The following CCDC60 variants were observed in gnomAD, a reference collection of about 807,000 sequenced individuals.
The protein encoded by CCDC60 is coiled-coil domain-containing protein 60.
In CCDC60, 54 loss-of-function variants were observed where a neutral mutation model predicts 63.5. That is an observed-to-expected ratio of 0.85 (90% CI 0.68 to 1.07). The LOEUF (loss-of-function observed/expected upper bound fraction) is 1.07. Among genes scored for constraint, CCDC60 ranks in the 50% least tolerant of loss-of-function variants. CCDC60 has a pLI of 0.00. For synonymous variants in CCDC60, 206 were observed against 238.8 expected, an observed-to-expected ratio of 0.86 and a Z score of 1.27; for missense variants, 651 against 684.3, an observed-to-expected ratio of 0.95 and a Z score of 0.54.
At chr12:119,470,439 A>G (rs1196165066) in intron 2 of CCDC60, among the ~76,000 whole-genome samples, 2 of 152,210 alleles carry the variant, frequency 1.3e-5, no homozygotes, top group Non-Finnish European at 2.9e-5. Context: ...ATGAAATGTT[A>G]TCACTTAGCT....
chr12:119,462,636 T>A (rs1431705948), intron 2 of CCDC60, among the ~76,000 whole-genome samples: 2 of 152,036 alleles, frequency 1.3e-5, no homozygotes, highest in Non-Finnish European at 2.9e-5. Context: ...ACTGAGAATT[T>A]TTTTAGAGAC....
At chr12:119,336,974 G>T (rs1435500912) in intron 1 of CCDC60, among the ~76,000 whole-genome samples, 8 of 152,180 alleles carry the variant, frequency 5.3e-5, no homozygotes. Context: ...GTCCACTCTA[G>T]TGCATCCACA....
chr12:119,378,478 G>C (rs942068327), intron 1 of CCDC60, among the ~76,000 whole-genome samples: 3 of 152,166 alleles, frequency 2.0e-5, no homozygotes, highest in African/African-American at 7.2e-5. Flanking sequence ...TCTAGCTCCT[G>C]TATCAGCACT....
At chr12:119,347,371 G>GGATT (rs1955608306) in intron 1 of CCDC60, among the ~76,000 whole-genome samples, 1 of 152,052 alleles carries the variant, frequency 6.6e-6, no homozygotes. Flanking sequence ...CAAGTTAAAT[G>GGATT]GATTCACTCT....
At position 119,524,716 on chromosome 12, in the gene CCDC60, C is replaced by CTTTTTTTTTT. The variant is rs1416953138; in HGVS notation, c.1229+902_1229+903insTTTTTTTTTT. ...AGGAAACAGCAGTTTCTTTTCTTTTCTTTTCTTTTTTTTTTTTTTTTTTTG... is the reference window on the plus strand; with the variant it reads ...AGGAAACAGCAGTTTCTTTTCTTTTCTTTTTTTTTTTTTTCTTTTTTTTTTTTTTTTTTTG... On this transcript the variant is annotated intron_variant, in intron 11 of 13. Transcript: ENST00000327554. Among the ~76,000 whole-genome samples, 97 of 90,506 alleles carry CTTTTTTTTTT rather than the reference C, an allele frequency of 1.1e-3. 1 individual carries two copies. The highest frequency in any genetic ancestry group is 4.4e-3 in the African/African-American group (83 of 18,782). The allele number at this position is 90,506 out of a possible 152,430, so 59.4% of individuals were successfully genotyped here.
intron 13 of CCDC60, among the ~76,000 whole-genome samples, chr12:119,531,940 C>T (rs1388964569): frequency 6.6e-6 from 1 of 152,160 alleles, no homozygotes; most frequent in Non-Finnish European, 1.5e-5. Flanking sequence ...TGCATTTTAA[C>T]AGGGCCTTCA....
chr12:119,525,686 C>T (rs965946399), intron 11 of CCDC60, among the ~76,000 whole-genome samples: 3 of 152,054 alleles, frequency 2.0e-5, no homozygotes, highest in Non-Finnish European at 2.9e-5. Flanking sequence ...TCAGCTAATA[C>T]AAATACACAC....
chr12:119,520,060 G>A, intron 8 of CCDC60, 61 bp from the exon 9 acceptor site: 1 of 1,435,918 alleles, frequency 7.0e-7, no homozygotes, highest in South Asian at 1.2e-5. Flanking sequence ...CCCACATGTA[G>A]TTACTGCACA....
intron 1 of CCDC60, among the ~76,000 whole-genome samples, chr12:119,350,170 A>ATTATTTAT (rs10534165): frequency 0.013 from 1,833 of 144,808 alleles, 28 homozygotes; most frequent in African/African-American, 0.038. Context: ...TCTTTGCTTT[A>ATTATTTAT]TTATTTATTT....
At position 119,367,460 on chromosome 12, in the gene CCDC60, ATAT is replaced by A. The variant is rs537456239; in HGVS notation, c.90+32198_90+32200del. ...AAGTCCCCCAAACTCTGCATTTGAAATATTATGGGATCTTCACATATTTATTTA... is the reference window on the plus strand; with the variant it reads ...AAGTCCCCCAAACTCTGCATTTGAAATATGGGATCTTCACATATTTATTTA... On this transcript the variant is annotated intron_variant, in intron 1 of 13. Transcript: ENST00000327554. Among the ~76,000 whole-genome samples the A allele has an allele frequency of 6.6e-4, 100 of 152,330 alleles. 1 individual carries two copies. Among genetic ancestry groups the A allele is most frequent in the Non-Finnish European group, 1.0e-3 (68 of 68,038 alleles).
chr12:119,450,631 G>A (rs1950612480), intron 2 of CCDC60, among the ~76,000 whole-genome samples: 1 of 152,112 alleles, frequency 6.6e-6, no homozygotes, highest in Non-Finnish European at 1.5e-5. Context: ...GGCCGAGGTG[G>A]GCGGATCACA....
chr12:119,531,013 G>A lies in CCDC60; in HGVS notation c.1501G>A (p.Asp501Asn), dbSNP rs1367882802. Residue 501 changes from aspartate (D) to asparagine (N), a missense_variant, in exon 13 of 14, where the codon GAT becomes AAT. Asp to Asn is a conservative substitution (Grantham distance 23). Coordinates refer to ENST00000327554, the MANE Select transcript of CCDC60 (RefSeq NM_178499.5). ...CCATGTCCTCCTGAAGGTGCTGCAG[G>A]ATCTGAGGATTTGGGAACTGTGCTC... is the stretch of plus-strand genomic sequence containing the variant. Reference protein sequence around the residue: ...RPHVLLKVLQDLRIWELCSPD... With the variant: ...RPHVLLKVLQNLRIWELCSPD... 1 of 1,614,012 alleles carries A rather than the reference G, an allele frequency of 6.2e-7. No homozygotes were observed. Among genetic ancestry groups the A allele is most frequent in the African/African-American group, 1.3e-5 (1 of 74,922 alleles).
At chr12:119,493,829 A>AG (rs1311707571) in intron 5 of CCDC60, among the ~76,000 whole-genome samples, 1 of 151,622 alleles carries the variant, frequency 6.6e-6, no homozygotes, top group African/African-American at 2.4e-5. Flanking sequence ...CAGAATTCTG[A>AG]GGGTTTTTTT....
chr12:119,339,502 C>T (rs937286602), intron 1 of CCDC60, among the ~76,000 whole-genome samples: 1 of 151,576 alleles, frequency 6.6e-6, no homozygotes, highest in African/African-American at 2.4e-5. Flanking sequence ...GGAGCAGATT[C>T]TGCCAGGCGC....
chr12:119,452,892 G>A (rs112494391), intron 2 of CCDC60, among the ~76,000 whole-genome samples: 11,897 of 151,970 alleles, frequency 0.078, 643 homozygotes, highest in South Asian at 0.12. Context: ...ACGTGATCTC[G>A]GCTCACTGCC....
At chr12:119,497,849 C>T (rs912563317) in intron 5 of CCDC60, among the ~76,000 whole-genome samples, 26 of 152,268 alleles carry the variant, frequency 1.7e-4, no homozygotes, top group African/African-American at 6.3e-4. Flanking sequence ...AAGGATTGCT[C>T]CTTCTTCTGG....
rs899007484 is a variant in CCDC60 at position 119,353,002 on chromosome 12, C to A, written c.90+17736C>A. On this transcript the variant is annotated intron_variant, in intron 1 of 13. Transcript: ENST00000327554. Reference sequence around the variant, plus strand: ...TCACTTCCAGATGATGCTCATACAGCTTTTATGAGCCCTCCTTGCTACCAA... The same window carrying A: ...TCACTTCCAGATGATGCTCATACAGATTTTATGAGCCCTCCTTGCTACCAA... Among the ~76,000 whole-genome samples the A allele has an allele frequency of 5.3e-5, 8 of 152,144 alleles. No individual in the cohort carries two copies. The East Asian group carries it at 1.5e-3, about 29-fold the overall frequency.
At chr12:119,508,286 T>A (rs1167637994) in intron 7 of CCDC60, among the ~76,000 whole-genome samples, 1 of 151,874 alleles carries the variant, frequency 6.6e-6, no homozygotes, top group Non-Finnish European at 1.5e-5. Flanking sequence ...ATCAAGACCA[T>A]CCTGGCCAAC....
intron 7 of CCDC60, among the ~76,000 whole-genome samples, chr12:119,506,814 T>C (rs1952020310): frequency 6.6e-6 from 1 of 151,956 alleles, no homozygotes; most frequent in Non-Finnish European, 1.5e-5. Flanking sequence ...ACATAAAACA[T>C]TCATTTTCAG....
Sources: allele counts gnomAD v4.1 joint callset (sites outside exome capture counted in the v4.1 genomes callset), GRCh38; gene constraint gnomAD v4.1.1; transcripts MANE v1.5; gene names NCBI Gene and HGNC (gene_info 2026-07-23, HGNC 2026-07-21).